Variants in NRXN1 observed in about 807,000 individuals in gnomAD.
NRXN1 encodes the protein neurexin-1.
In NRXN1, 39 loss-of-function variants were observed where a neutral mutation model predicts 150.9. The observed-to-expected ratio is 0.26, with a 90% confidence interval of 0.20 to 0.34. NRXN1 has a LOEUF of 0.34. NRXN1 is among the 10% of genes least tolerant of loss of function. The pLI, the probability that NRXN1 is intolerant of heterozygous loss-of-function variation, is 1.00. For synonymous variants in NRXN1, 924 were observed against 757.0 expected (o/e 1.22, Z -3.62); for missense variants, 1,815 against 1,949.9 (o/e 0.93, Z 1.30).
chr2:50,772,955 T>C (rs902604477), intron 5 of NRXN1, among the ~76,000 whole-genome samples: 1 of 152,096 alleles, frequency 6.6e-6, no homozygotes, highest in Admixed American at 6.6e-5. Context: ...ATATTGCCAA[T>C]AAAGAGCAGT....
intron 5 of NRXN1, among the ~76,000 whole-genome samples, chr2:50,751,220 A>G (rs1411285512): frequency 6.6e-6 from 1 of 152,028 alleles, no homozygotes; most frequent in East Asian, 1.9e-4. Flanking sequence ...AACTGTTTTC[A>G]TAGCTTTGAA....
chr2:50,537,950 C>G (rs1369391391), intron 10 of NRXN1, among the ~76,000 whole-genome samples: 1 of 152,052 alleles, frequency 6.6e-6, no homozygotes, highest in African/African-American at 2.4e-5. Context: ...AAGTTAAAAA[C>G]TGGGCAAAAA....
At chr2:50,429,419 G>T (rs1572938946) in intron 17 of NRXN1, among the ~76,000 whole-genome samples, 1 of 152,048 alleles carries the variant, frequency 6.6e-6, no homozygotes, top group East Asian at 1.9e-4. Context: ...ATCACGCCTG[G>T]CTAATTTTGG....
chr2:50,682,703 T>C (rs1690584246), intron 5 of NRXN1, among the ~76,000 whole-genome samples: 1 of 152,168 alleles, frequency 6.6e-6, no homozygotes, highest in African/African-American at 2.4e-5. Context: ...ATTGCAATTT[T>C]TAGTAGCTGA....
At chr2:50,283,580 T>C (rs1028098931) in intron 17 of NRXN1, among the ~76,000 whole-genome samples, 1 of 152,152 alleles carries the variant, frequency 6.6e-6, no homozygotes, top group Non-Finnish European at 1.5e-5. Flanking sequence ...ATTGACACAA[T>C]CGTTAATTAG....
chr2:51,026,240 T>C (rs913577921), intron 2 of NRXN1: 5 of 662,042 alleles, frequency 7.6e-6, no homozygotes, highest in Middle Eastern at 2.4e-4. Flanking sequence ...TCACCTTTTT[T>C]CACCCATTTC....
chr2:50,565,933 G>A (rs1669775560), intron 8 of NRXN1, among the ~76,000 whole-genome samples: 1 of 152,082 alleles, frequency 6.6e-6, no homozygotes, highest in Non-Finnish European at 1.5e-5. Context: ...TGTAGTTTCT[G>A]GCAATACTGG....
chr2:50,179,477 G>A (rs759880163), intron 18 of NRXN1, among the ~76,000 whole-genome samples: 1 of 152,078 alleles, frequency 6.6e-6, no homozygotes, highest in Non-Finnish European at 1.5e-5. Context: ...AAGCAAATTA[G>A]ACCCACTGAA....
intron 8 of NRXN1, among the ~76,000 whole-genome samples, chr2:50,560,054 T>A (rs942280828): frequency 3.3e-5 from 5 of 152,156 alleles, no homozygotes; most frequent in African/African-American, 1.2e-4. Context: ...GAGGAGACAA[T>A]CTGAAAAGCA....
At chr2:50,730,334 A>C (rs1697933666) in intron 5 of NRXN1, among the ~76,000 whole-genome samples, 1 of 152,178 alleles carries the variant, frequency 6.6e-6, no homozygotes, top group Non-Finnish European at 1.5e-5. Context: ...GATTCAACCA[A>C]GAGTCATTAT....
intron 17 of NRXN1, among the ~76,000 whole-genome samples, chr2:50,394,645 C>G (rs561324126): frequency 6.6e-6 from 1 of 152,040 alleles, no homozygotes; most frequent in Non-Finnish European, 1.5e-5. Flanking sequence ...GTTTTTTTTC[C>G]TCCCTCTTCT....
At position 50,346,870 on chromosome 2, in the gene NRXN1, G is replaced by GCGCCGCCGCCGCCGC. The variant is rs750165040; in HGVS notation, c.3365-109915_3365-109901dup. On this transcript the variant is annotated intron_variant, in intron 17 of 22. Coordinates refer to ENST00000401669, the MANE Select transcript of NRXN1 (RefSeq NM_001330078.2). This position sits in a 1 kb window ranked among gnomAD's most constrained non-coding sequence, Gnocchi z 5.0. ...CCAAAGCAGGGCCAGGCGCCCCCCT[G>GCGCCGCCGCCGCCGC]CGCCGCCGCCGCCGCCGCCGCCGCC... The GCGCCGCCGCCGCCGC allele has an allele frequency of 7.4e-7, 1 of 1,354,640 alleles. No homozygotes were observed. The highest frequency in any genetic ancestry group is 1.5e-5 in the African/African-American group (1 of 66,564). The allele number at this position is 1,354,640 out of a possible 1,614,324, so 83.9% of individuals were successfully genotyped here. A position where few individuals can be genotyped will look rare whatever the true frequency, so the allele number is the denominator to read the frequency against.
intron 22 of NRXN1, among the ~76,000 whole-genome samples, chr2:49,925,507 G>A (rs1263174232): frequency 6.6e-6 from 1 of 151,792 alleles, no homozygotes; most frequent in Non-Finnish European, 1.5e-5. Flanking sequence ...ATGGTTAAAT[G>A]TCTTTTTATA....
chr2:50,218,590 T>C (rs577356229), intron 18 of NRXN1, among the ~76,000 whole-genome samples: 1 of 151,662 alleles, frequency 6.6e-6, no homozygotes, highest in East Asian at 1.9e-4. Context: ...ATACCCACGG[T>C]TTTGGAGAAA....
intron 17 of NRXN1, among the ~76,000 whole-genome samples, chr2:50,452,387 G>A (rs928748859): frequency 1.3e-5 from 2 of 152,068 alleles, no homozygotes; most frequent in Non-Finnish European, 2.9e-5. Context: ...AATGAATCAC[G>A]GACTCTTAGC....
chr2:50,050,092 G>T (rs1362018371), intron 21 of NRXN1, among the ~76,000 whole-genome samples: 4 of 150,156 alleles, frequency 2.7e-5, no homozygotes, highest in Non-Finnish European at 4.4e-5. Flanking sequence ...ATTATTTCTT[G>T]ATATAAATCA....
intron 17 of NRXN1, among the ~76,000 whole-genome samples, chr2:50,326,818 G>A (rs1465181906): frequency 6.6e-6 from 1 of 152,078 alleles, no homozygotes; most frequent in Non-Finnish European, 1.5e-5. Context: ...CACACCTATG[G>A]TGCAATTTAC....
chr2:50,430,684 T>C (rs1181719185), intron 17 of NRXN1, among the ~76,000 whole-genome samples: 2 of 152,178 alleles, frequency 1.3e-5, no homozygotes, highest in East Asian at 1.9e-4. Flanking sequence ...GTGTGTGAAT[T>C]ACCAGTCTTA....
At chr2:50,540,012 C>A (rs2093353794) in intron 9 of NRXN1, among the ~76,000 whole-genome samples, 1 of 152,174 alleles carries the variant, frequency 6.6e-6, no homozygotes. Flanking sequence ...TTCCAAATCC[C>A]AGCAGAAGGG....
Sources: allele counts gnomAD v4.1 joint callset (sites outside exome capture counted in the v4.1 genomes callset), GRCh38; gene constraint gnomAD v4.1.1; non-coding constraint Gnocchi (gnomAD v3.1); transcripts MANE v1.5; gene names NCBI Gene and HGNC (gene_info 2026-07-23, HGNC 2026-07-21).